Variants in ZNF280D observed in about 807,000 individuals in gnomAD.
ZNF280D encodes the protein zinc finger protein 280D.
In ZNF280D, 39 loss-of-function variants were observed where a neutral mutation model predicts 94.7. The ratio of observed to expected loss-of-function variants is 0.41; its 90% confidence interval spans 0.32 to 0.54. ZNF280D has a LOEUF of 0.54. Ranked by LOEUF, ZNF280D falls within the 20% of genes least tolerant of loss-of-function variation. The pLI, the probability that ZNF280D is intolerant of heterozygous loss-of-function variation, is 0.22. For missense variants in ZNF280D, 1,090 were observed against 1,149.3 expected, an observed-to-expected ratio of 0.95 and a Z score of 0.75; for synonymous variants, 398 against 377.6, an observed-to-expected ratio of 1.05 and a Z score of -0.63.
chr15:56,690,980 A>G (rs2056392291), intron 7 of ZNF280D, among the ~76,000 whole-genome samples: 1 of 152,136 alleles, frequency 6.6e-6, no homozygotes, highest in Admixed American at 6.6e-5. Context: ...TGTTAGCTTA[A>G]TTTCTCTAAG....
At chr15:56,654,716 ATTTTACAC>A (rs1596364498) in intron 17 of ZNF280D, 1 of 604,000 alleles carries the variant, frequency 1.7e-6, no homozygotes, top group East Asian at 3.6e-5. Flanking sequence ...GAAAGTATTT[ATTTTACAC>A]TTTTACCTGT....
At chr15:56,667,799 T>C (rs1186296994) in intron 14 of ZNF280D, among the ~76,000 whole-genome samples, 1 of 152,134 alleles carries the variant, frequency 6.6e-6, no homozygotes, top group Non-Finnish European at 1.5e-5. Flanking sequence ...ATCCTCTCTA[T>C]GCTTCTTCAC....
In ZNF280D at chr15:56,695,635, T is replaced by G. The variant is rs552152829; in HGVS notation, c.382-2420A>C. ...ACCTCCACCTCCTGGGTTCAAGCAA[T>G]TCTCCTGCCTCAGCCTCCCGAGTAG... On this transcript the variant is annotated intron_variant, in intron 6 of 21. Transcript: ENST00000267807. 1.7e-3 allele frequency among the ~76,000 whole-genome samples: 248 copies of G among 150,116 alleles called. 1 individual carries two copies. The highest frequency in any genetic ancestry group is 5.7e-3 in the African/African-American group (234 of 40,776).
intron 19 of ZNF280D, among the ~76,000 whole-genome samples, chr15:56,650,586 T>A (rs1409859525): frequency 6.6e-6 from 1 of 152,130 alleles, no homozygotes; most frequent in African/African-American, 2.4e-5. Context: ...TTTAGGATAT[T>A]TGATTCAACA....
chr15:56,631,477 T>C lies in ZNF280D; in HGVS notation c.*21A>G. 1.9e-6 allele frequency: 3 copies of C among 1,607,372 alleles called. No individual in the cohort carries two copies. The highest frequency in any genetic ancestry group is 2.6e-6 in the Non-Finnish European group (3 of 1,175,348). ...CCAAATGCCCTTATCGTTGGTACACTGAAACTTAAAATGACTAATTTCAAC... is the reference window on the plus strand; with the variant it reads ...CCAAATGCCCTTATCGTTGGTACACCGAAACTTAAAATGACTAATTTCAAC... On this transcript the variant is annotated 3_prime_UTR_variant, in exon 22 of 22. Transcript: ENST00000267807.
chr15:56,684,893 C>G (rs1403513418), intron 9 of ZNF280D, among the ~76,000 whole-genome samples: 1 of 151,664 alleles, frequency 6.6e-6, no homozygotes, highest in African/African-American at 2.4e-5. Flanking sequence ...CCAGAGAGGA[C>G]TCACCCAAAA....
chr15:56,675,585 A>G (rs781731063), intron 13 of ZNF280D, among the ~76,000 whole-genome samples: 5 of 152,030 alleles, frequency 3.3e-5, no homozygotes, highest in African/African-American at 4.8e-5. Context: ...GTAATTTACT[A>G]TATGTAATTG....
intron 1 of ZNF280D, chr15:56,730,006 A>C (rs550665731): frequency 2.6e-5 from 4 of 152,296 alleles, no homozygotes; most frequent in African/African-American, 9.6e-5. Flanking sequence ...TAAAAGCTCC[A>C]ATAAGTTGTT....
chr15:56,631,461 C>G lies in ZNF280D; in HGVS notation c.*37G>C, dbSNP rs769185651. ...ACCTGATAGCACTGTTCCAAATGCC[C>G]TTATCGTTGGTACACTGAAACTTAA... On this transcript the variant is annotated 3_prime_UTR_variant, in exon 22 of 22. Transcript: ENST00000267807. 6.3e-6 allele frequency: 10 copies of G among 1,596,618 alleles called. No homozygotes were observed. The Admixed American group carries it at 8.4e-5, about 13-fold the overall frequency.
chr15:56,676,511 G>A (rs1336434190), intron 13 of ZNF280D, among the ~76,000 whole-genome samples, 159 bp downstream of exon 13: 3 of 152,140 alleles, frequency 2.0e-5, no homozygotes, highest in Admixed American at 2.0e-4. Flanking sequence ...AGGAAAAGAA[G>A]TGGAATTTTC....
chr15:56,632,046 T>C lies in ZNF280D; in HGVS notation c.2392A>G (p.Lys798Glu). 6.2e-7 allele frequency: 1 copy of C among 1,612,852 alleles called. No homozygotes were observed. Among genetic ancestry groups the C allele is most frequent in the Non-Finnish European group, 8.5e-7 (1 of 1,179,474 alleles). ...ANSFEGSSTTKSEESITVSDK... is the reference protein window; with the variant it reads ...ANSFEGSSTTESEESITVSDK... ...GAAACTGTTATGCTTTCTTCACTTT[T>C]TGTTGTTGATGAGCCTTCAAATGAA... Residue 798 changes from lysine (K) to glutamate (E), a missense_variant, in exon 22 of 22, where the codon AAA becomes GAA. Lys to Glu is a moderately conservative substitution (Grantham distance 56, BLOSUM62 1). This residue lies in a region of ZNF280D where 577 missense variants were observed against 568.8 expected (regional missense o/e 1.01). Transcript: ENST00000267807.
At chr15:56,637,683 T>C (rs2052423170) in intron 20 of ZNF280D, among the ~76,000 whole-genome samples, 1 of 152,100 alleles carries the variant, frequency 6.6e-6, no homozygotes, top group South Asian at 2.1e-4. Context: ...CAAGCCACTT[T>C]CAGGAGGCAT....
chr15:56,668,024 C>T (rs2054412629), intron 14 of ZNF280D: 1 of 388,376 alleles, frequency 2.6e-6, no homozygotes, highest in Non-Finnish European at 5.0e-6. Flanking sequence ...CTAGTCCCAA[C>T]ATGGAATGAA....
intron 1 of ZNF280D, among the ~76,000 whole-genome samples, chr15:56,720,956 T>C (rs1204161437): frequency 1.1e-5 from 1 of 90,514 alleles, no homozygotes; most frequent in Non-Finnish European, 2.3e-5. Context: ...GCAGAGTAGA[T>C]TTAGCATTTT....
chr15:56,672,167 T>C (rs1375913469), intron 13 of ZNF280D, among the ~76,000 whole-genome samples: 2 of 152,122 alleles, frequency 1.3e-5, no homozygotes, highest in East Asian at 1.9e-4. Flanking sequence ...TGAATGTGCA[T>C]TGTTTCTTTC....
chr15:56,715,767 T>G (rs941877141), intron 1 of ZNF280D, among the ~76,000 whole-genome samples: 1 of 152,066 alleles, frequency 6.6e-6, no homozygotes, highest in Admixed American at 6.6e-5. Flanking sequence ...CTGCTGAAGA[T>G]GTACCAGAAG....
intron 6 of ZNF280D, among the ~76,000 whole-genome samples, chr15:56,695,569 C>G (rs1337234515): frequency 2.2e-5 from 3 of 137,564 alleles, no homozygotes; most frequent in Non-Finnish European, 4.6e-5. Context: ...CTCACTCTGT[C>G]ACCAGGCTGG....
At chr15:56,643,883 A>T (rs1396934977) in intron 19 of ZNF280D, among the ~76,000 whole-genome samples, 2 of 151,888 alleles carry the variant, frequency 1.3e-5, no homozygotes, top group Admixed American at 1.3e-4. Flanking sequence ...ATATTATCTT[A>T]AATTTCATTG....
intron 6 of ZNF280D, chr15:56,698,030 G>C (rs949661004): frequency 1.3e-5 from 2 of 152,182 alleles, no homozygotes; most frequent in Admixed American, 6.5e-5. Flanking sequence ...AAAAGGGAGT[G>C]TTTTAATAGG....
Sources: gnomAD v4.1 joint callset for allele counts (sites outside exome capture counted in the v4.1 genomes callset) on GRCh38, gnomAD v4.1.1 for gene constraint, gnomAD v4.1.1 regional missense constraint, MANE v1.5 for transcripts, NCBI Gene and HGNC (gene_info 2026-07-23, HGNC 2026-07-21) for gene names.